Variants in MIB1 observed in about 807,000 individuals in gnomAD.
MIB1 encodes the protein MIB E3 ubiquitin protein ligase 1.
Under a neutral mutation model 124.5 loss-of-function variants are expected in MIB1, and 278 were observed. That is an observed-to-expected ratio of 2.23 (90% CI 2.02 to 2.47). The LOEUF (loss-of-function observed/expected upper bound fraction) is 2.47, where lower values mean the gene tolerates loss of function less well. Among genes scored for constraint, MIB1 ranks in the 30% most tolerant of loss-of-function variants. The pLI, the probability that MIB1 is intolerant of heterozygous loss-of-function variation, is 0.00. For missense variants in MIB1, 957 were observed against 1,254.4 expected, an observed-to-expected ratio of 0.76 and a Z score of 3.58; for synonymous variants, 446 against 429.4, an observed-to-expected ratio of 1.04 and a Z score of -0.48.
chr18:21,848,564 C>G (rs779897074), intron 16 of MIB1, among the ~76,000 whole-genome samples: 1 of 152,070 alleles, frequency 6.6e-6, no homozygotes, highest in Non-Finnish European at 1.5e-5. Flanking sequence ...TGTACGTGTT[C>G]GTGAGTTTCT....
intron 1 of MIB1, among the ~76,000 whole-genome samples, chr18:21,734,268 G>A (rs34084868): frequency 0.032 from 4,840 of 151,508 alleles, 284 homozygotes; most frequent in African/African-American, 0.11. Flanking sequence ...CACCACGCCC[G>A]GCTATTTTTT....
chr18:21,809,262 C>T (rs376776412), intron 10 of MIB1, among the ~76,000 whole-genome samples: 8 of 151,938 alleles, frequency 5.3e-5, no homozygotes, highest in Non-Finnish European at 1.0e-4. Flanking sequence ...GAGATTGAAT[C>T]GATAGTTGAA....
intron 10 of MIB1, among the ~76,000 whole-genome samples, chr18:21,804,498 A>G (rs1156392053): frequency 6.6e-6 from 1 of 152,242 alleles, no homozygotes; most frequent in Non-Finnish European, 1.5e-5. Context: ...ATGTGTGTAT[A>G]TATGCTTCAT....
intron 12 of MIB1, chr18:21,826,790 A>T (rs1042128920): frequency 6.6e-6 from 1 of 152,140 alleles, no homozygotes; most frequent in African/African-American, 2.4e-5. Context: ...TACTATTTTA[A>T]ACTGAGAGGT....
intron 1 of MIB1, among the ~76,000 whole-genome samples, chr18:21,749,466 G>C (rs2146384655): frequency 6.6e-6 from 1 of 151,958 alleles, no homozygotes; most frequent in Middle Eastern, 3.4e-3. Flanking sequence ...ACATACCTTT[G>C]TGTACTAATT....
At chr18:21,750,739 C>T (rs1211708631) in intron 1 of MIB1, among the ~76,000 whole-genome samples, 2 of 152,150 alleles carry the variant, frequency 1.3e-5, no homozygotes, top group East Asian at 1.9e-4. Flanking sequence ...CCTGCGATTA[C>T]AGGCGTGAGC....
intron 12 of MIB1, among the ~76,000 whole-genome samples, chr18:21,821,603 G>GTT (rs1331934133): frequency 1.0e-4 from 14 of 135,410 alleles, no homozygotes; most frequent in African/African-American, 2.5e-4. Flanking sequence ...TGTTTTTTTT[G>GTT]TTTTTTTTTT....
intron 8 of MIB1, 110 bp downstream of exon 8, chr18:21,798,338 C>T: frequency 9.2e-7 from 1 of 1,085,384 alleles, no homozygotes; most frequent in Non-Finnish European, 1.3e-6. Context: ...TGGCTTTGTC[C>T]CAGATTACAC....
intron 12 of MIB1, among the ~76,000 whole-genome samples, chr18:21,823,305 G>A (rs535461110): frequency 1.3e-5 from 2 of 151,488 alleles, no homozygotes; most frequent in African/African-American, 2.4e-5. Context: ...GGAGGCTGAG[G>A]CGAGAATATT....
intron 10 of MIB1, among the ~76,000 whole-genome samples, chr18:21,811,121 G>A (rs911211914): frequency 6.6e-5 from 10 of 152,240 alleles, no homozygotes; most frequent in Middle Eastern, 3.4e-3. Flanking sequence ...ATGAAAAGAT[G>A]TTTAACGTCA....
At chr18:21,823,759 G>GT (rs200578153) in intron 12 of MIB1, among the ~76,000 whole-genome samples, 3,298 of 151,746 alleles carry the variant, frequency 0.022, 61 homozygotes, top group Admixed American at 0.033. Flanking sequence ...ATACAGTTTT[G>GT]TTTTTTTTGA....
chr18:21,774,852 T>G (rs925818818), intron 4 of MIB1, among the ~76,000 whole-genome samples: 4 of 151,288 alleles, frequency 2.6e-5, no homozygotes, highest in Non-Finnish European at 5.9e-5. Flanking sequence ...TCGCTGTGTC[T>G]CCCAGGCTGG....
In MIB1 at chr18:21,867,152, G is replaced by A. The variant is rs918947879; in HGVS notation, c.*2486G>A. 6.6e-6 allele frequency: 1 copy of A among 152,372 alleles called. No homozygotes were observed. Among genetic ancestry groups the A allele is most frequent in the East Asian group, 1.9e-4 (1 of 5,192 alleles). 9.4% of individuals were successfully genotyped at this position (152,372 alleles called of 1,614,324 possible). On this transcript the variant is annotated 3_prime_UTR_variant, in exon 21 of 21. Coordinates refer to ENST00000261537, the MANE Select transcript of MIB1 (RefSeq NM_020774.4). ...TCAAAAAAGTATTTATTGGGCTTTA[G>A]GGATTAGATACACAACAGTGGAAAA... is the stretch of plus-strand genomic sequence containing the variant.
rs1046165424 is a variant in MIB1, at chr18:21,740,981, C to T, written c.-603C>T. Among the ~76,000 whole-genome samples the T allele has an allele frequency of 5.3e-5, 8 of 152,192 alleles. No homozygotes were observed. Among genetic ancestry groups the T allele is most frequent in the Admixed American group, 6.5e-5 (1 of 15,288 alleles). ...GAGTCGCTCTCGCCCGGCTGGGACT[C>T]TGTGGCGGGGCGGAGCGCGGCGGCT... On this transcript the variant is annotated 5_prime_UTR_variant, in exon 1 of 21. Transcript: ENST00000261537.
intron 12 of MIB1, chr18:21,831,458 T>G (rs1429491267): frequency 6.6e-6 from 1 of 152,110 alleles, no homozygotes; most frequent in African/African-American, 2.4e-5. Flanking sequence ...ATTTGAAACA[T>G]GCACTCCCAG....
chr18:21,821,587 T>G (rs188176668), intron 12 of MIB1, among the ~76,000 whole-genome samples: 24 of 147,636 alleles, frequency 1.6e-4, no homozygotes, highest in Admixed American at 4.7e-4. Context: ...CTGTGTGTGT[T>G]TTTTTTGTTT....
At chr18:21,831,020 C>G (rs2041974592) in intron 12 of MIB1, among the ~76,000 whole-genome samples, 1 of 143,768 alleles carries the variant, frequency 7.0e-6, no homozygotes, top group African/African-American at 2.6e-5. Flanking sequence ...CTACAAAGGC[C>G]AAGAAAATGA....
chr18:21,751,141 G>T (rs930580155), intron 1 of MIB1, among the ~76,000 whole-genome samples: 6 of 152,050 alleles, frequency 3.9e-5, no homozygotes, highest in Non-Finnish European at 5.9e-5. Flanking sequence ...GGCAGAGGTT[G>T]CAGTGAGCTG....
At chr18:21,759,265 C>T (rs558614748) in intron 1 of MIB1, among the ~76,000 whole-genome samples, 45 of 151,206 alleles carry the variant, frequency 3.0e-4, no homozygotes, top group African/African-American at 1.0e-3. Context: ...TTTTTTGAGA[C>T]GGAGTTTGGC....
Sources: gnomAD v4.1 joint callset for allele counts (sites outside exome capture counted in the v4.1 genomes callset) on GRCh38, gnomAD v4.1.1 for gene constraint, MANE v1.5 for transcripts, NCBI Gene and HGNC (gene_info 2026-07-23, HGNC 2026-07-21) for gene names.